The following FYTTD1 variants were observed in gnomAD, a reference collection of about 807,000 sequenced individuals.
FYTTD1 encodes the protein forty-two-three domain containing 1.
A neutral mutation model predicts 40.9 loss-of-function variants in FYTTD1; 22 were observed. The observed-to-expected ratio is 0.54, with a 90% confidence interval of 0.38 to 0.77. The LOEUF is 0.77. Ranked by LOEUF, FYTTD1 falls within the 30% of genes least tolerant of loss-of-function variation. The pLI, the probability that FYTTD1 is intolerant of heterozygous loss-of-function variation, is 0.00. For synonymous variants in FYTTD1, 140 were observed against 137.9 expected (o/e 1.01, Z -0.10); for missense variants, 351 against 392.2 (o/e 0.90, Z 0.89).
intron 1 of FYTTD1, chr3:197,750,965 C>T (rs551360235): frequency 2.0e-6 from 1 of 492,290 alleles, no homozygotes; most frequent in South Asian, 8.7e-5. Flanking sequence ...CTTAGGTGGG[C>T]TAAAAGTACG....
chr3:197,774,450 C>A (rs1460343713), intron 6 of FYTTD1, among the ~76,000 whole-genome samples: 4 of 152,286 alleles, frequency 2.6e-5, no homozygotes, highest in Middle Eastern at 3.4e-3. Flanking sequence ...ACCTGTGTAT[C>A]GCCACTGCAC....
intron 1 of FYTTD1, chr3:197,750,638 C>G: frequency 1.0e-6 from 1 of 985,306 alleles, no homozygotes; most frequent in Non-Finnish European, 1.2e-6. Flanking sequence ...GGGCCACCTC[C>G]GGCCGCGGCC....
chr3:197,771,256 A>G (rs955765383), intron 4 of FYTTD1, among the ~76,000 whole-genome samples: 1 of 152,206 alleles, frequency 6.6e-6, no homozygotes, highest in African/African-American at 2.4e-5. Context: ...GTAAGGACAA[A>G]GTAGATGAAG....
intron 2 of FYTTD1, among the ~76,000 whole-genome samples, chr3:197,761,225 T>TGTTCTTCAGTGGTAGAATGTATAG (rs1729377993): frequency 7.6e-6 from 1 of 130,942 alleles, no homozygotes; most frequent in African/African-American, 3.5e-5. Context: ...AGAATGTATA[T>TGTTCTTCAGTGGTAGAATGTATAG]ACTTGTTCTT....
chr3:197,771,082 C>T (rs1405244003), intron 4 of FYTTD1, among the ~76,000 whole-genome samples: 1 of 152,104 alleles, frequency 6.6e-6, no homozygotes, highest in African/African-American at 2.4e-5. Flanking sequence ...GAGCTGGGTG[C>T]AGTGGCATGT....
At chr3:197,760,742 G>A (rs1407021507) in intron 2 of FYTTD1, among the ~76,000 whole-genome samples, 1 of 152,092 alleles carries the variant, frequency 6.6e-6, no homozygotes, top group Non-Finnish European at 1.5e-5. Flanking sequence ...TTCTTCAGTG[G>A]TAGAATGTGT....
Position 197,781,927 on chromosome 3 carries a change from C to T in FYTTD1, c.*18C>T, listed in dbSNP as rs755549300. 1 of 1,491,016 alleles carries T rather than the reference C, an allele frequency of 6.7e-7. No homozygotes were observed. The highest frequency in any genetic ancestry group is 1.8e-5 in the Admixed American group (1 of 54,164). 92.4% of individuals were successfully genotyped at this position (1,491,016 alleles called of 1,614,324 possible). ...TGGGATAGGTCCCATGTCAAAGGAACTTTTGAGTGATGACTCTGAGAAGTT... is the reference window on the plus strand; with the variant it reads ...TGGGATAGGTCCCATGTCAAAGGAATTTTTGAGTGATGACTCTGAGAAGTT... On this transcript the variant is annotated 3_prime_UTR_variant, in exon 9 of 9. Coordinates refer to ENST00000241502, the MANE Select transcript of FYTTD1 (RefSeq NM_032288.7).
Position 197,770,152 on chromosome 3 carries a change from A to G in FYTTD1, c.405A>G (p.Pro135=), listed in dbSNP as rs760487511. Residue 135 remains proline, a synonymous_variant, in exon 4 of 9, where the codon CCA becomes CCG. Coordinates refer to ENST00000241502, the MANE Select transcript of FYTTD1 (RefSeq NM_032288.7). ...GATAGAATATAGAACAATATTTTCC[A>G]GTGTTAAAAAGGAAGGCAAACCTTC... is the stretch of plus-strand genomic sequence containing the variant. ...LSDKNIEQYF[P]VLKRKANLLR... 79 of 1,607,422 alleles carry G rather than the reference A, an allele frequency of 4.9e-5. No individual in the cohort carries two copies. Among genetic ancestry groups the G allele is most frequent in the Non-Finnish European group, 6.6e-5 (78 of 1,175,142 alleles).
At chr3:197,774,310 C>A (rs1357326441) in intron 6 of FYTTD1, 100 bp downstream of exon 6, 8 of 1,008,996 alleles carry the variant, frequency 7.9e-6, no homozygotes, top group South Asian at 1.4e-5. Flanking sequence ...TTAATTGAAA[C>A]CCAAAATAAA....
At position 197,770,297 on chromosome 3, in the gene FYTTD1, A is replaced by G. The variant is rs747424288; in HGVS notation, c.497+53A>G. The G allele has an allele frequency of 4.5e-6, 5 of 1,102,452 alleles. No individual in the cohort carries two copies. The East Asian group carries it at 7.6e-5, about 17-fold the overall frequency. 68.3% of individuals were successfully genotyped at this position (1,102,452 alleles called of 1,614,324 possible). On this transcript the variant is annotated intron_variant, in intron 4 of 8. Coordinates refer to ENST00000241502, the MANE Select transcript of FYTTD1 (RefSeq NM_032288.7). ...ATTTTGCATTAAAAACACTTCCTGC[A>G]TTAAGTGGTGTGAAGAATGGATTTG...
chr3:197,777,122 T>TA (rs1251558725), intron 7 of FYTTD1, 121 bp downstream of exon 7: 2 of 635,966 alleles, frequency 3.1e-6, no homozygotes, highest in East Asian at 2.7e-5. Context: ...AAGACAGTAA[T>TA]ACCTGTGATA....
At chr3:197,781,519 TCTTA>T (rs1335189635) in intron 8 of FYTTD1, among the ~76,000 whole-genome samples, 3 of 152,172 alleles carry the variant, frequency 2.0e-5, no homozygotes, top group Non-Finnish European at 4.4e-5. Flanking sequence ...TCTGAAGAGT[TCTTA>T]CTTTTATCAG....
At chr3:197,777,382 G>A (rs540949845) in intron 7 of FYTTD1, among the ~76,000 whole-genome samples, 8 of 151,948 alleles carry the variant, frequency 5.3e-5, no homozygotes, top group African/African-American at 1.9e-4. Flanking sequence ...TCAGCCTCCC[G>A]AGTCCTGAGG....
intron 2 of FYTTD1, among the ~76,000 whole-genome samples, chr3:197,765,815 C>T (rs368414669): frequency 2.0e-5 from 3 of 151,700 alleles, no homozygotes; most frequent in East Asian, 1.9e-4. Flanking sequence ...GCTAACACAG[C>T]GAAACCCTGT....
intron 6 of FYTTD1, among the ~76,000 whole-genome samples, chr3:197,775,257 C>A (rs1257750911): frequency 6.6e-6 from 1 of 152,118 alleles, no homozygotes; most frequent in Non-Finnish European, 1.5e-5. Context: ...CCTATTTTAT[C>A]CTGTTATAAT....
intron 2 of FYTTD1, among the ~76,000 whole-genome samples, chr3:197,760,939 G>A (rs1729366681): frequency 6.8e-6 from 1 of 146,466 alleles, no homozygotes; most frequent in Non-Finnish European, 1.5e-5. Flanking sequence ...TTCAGTGGTA[G>A]AATGTATAGA....
intron 8 of FYTTD1, among the ~76,000 whole-genome samples, chr3:197,779,671 G>A (rs1009654807): frequency 6.6e-6 from 1 of 151,422 alleles, no homozygotes; most frequent in African/African-American, 2.4e-5. Context: ...GGTAGCTGGG[G>A]ATACAGGCAC....
intron 3 of FYTTD1, among the ~76,000 whole-genome samples, 156 bp from the exon 4 acceptor site, chr3:197,769,976 A>G (rs1729668298): frequency 6.6e-6 from 1 of 152,178 alleles, no homozygotes; most frequent in Non-Finnish European, 1.5e-5. Flanking sequence ...TCAGTCATGT[A>G]GACTGTACAG....
intron 2 of FYTTD1, among the ~76,000 whole-genome samples, chr3:197,764,752 G>GA (rs373846539): frequency 3.4e-4 from 48 of 139,198 alleles, no homozygotes; most frequent in South Asian, 4.7e-4. Flanking sequence ...TTGGATAAGA[G>GA]AAAAAAAAAA....
Sources: gnomAD v4.1 joint callset for allele counts (sites outside exome capture counted in the v4.1 genomes callset) on GRCh38, gnomAD v4.1.1 for gene constraint, MANE v1.5 for transcripts, NCBI Gene and HGNC (gene_info 2026-07-23, HGNC 2026-07-21) for gene names.